The following HSPA12B variants were observed in gnomAD, a reference collection of about 807,000 sequenced individuals.
HSPA12B encodes heat shock 70 kDa protein 12B.
A neutral mutation model predicts 69.3 loss-of-function variants in HSPA12B; 54 were observed. The observed-to-expected ratio is 0.78, with a 90% CI of 0.63 to 0.98. The LOEUF (loss-of-function observed/expected upper bound fraction) is 0.98. Ranked by LOEUF, HSPA12B falls within the 50% of genes least tolerant of loss-of-function variation. HSPA12B has a pLI of 0.00. For synonymous variants in HSPA12B, 441 were observed against 436.5 expected, an observed-to-expected ratio of 1.01 and a Z score of -0.13; for missense variants, 929 against 999.8, an observed-to-expected ratio of 0.93 and a Z score of 0.96.
chr20:3,750,214 C>T lies in HSPA12B; in HGVS notation c.1288C>T (p.Leu430=). The T allele has an allele frequency of 6.2e-7, 1 of 1,603,916 alleles. No homozygotes were observed. Among genetic ancestry groups the T allele is most frequent in the Non-Finnish European group, 8.5e-7 (1 of 1,173,368 alleles). The change falls in exon 11 of 13, where the codon CTG becomes TTG. Residue 430 remains leucine, a synonymous_variant. Transcript: ENST00000254963. ...GCGGGGCCACAACGTGGAGACCGCT[C>T]TGCGCAGGAGCAGGTGGGTCCTGAG... ...KQRGHNVETA[L]RRSSVNFVKW... is the part of the protein sequence containing the mutation.
chr20:3,749,653 A>C lies in HSPA12B; in HGVS notation c.938-97A>C. 12 of 881,018 alleles carry C rather than the reference A, an allele frequency of 1.4e-5. No individual in the cohort carries two copies. Among genetic ancestry groups the C allele is most frequent in the Non-Finnish European group, 1.9e-5 (11 of 584,900 alleles). The allele number at this position is 881,018 out of a possible 1,614,324, so 54.6% of individuals were successfully genotyped here. A position where few individuals can be genotyped will look rare whatever the true frequency, so the allele number is the denominator to read the frequency against. ...CCCGACCCTGCAGACAGGCCTTGGG[A>C]CCCGGGGCAGGGCTGGAGGCTGGGC... On this transcript the variant is annotated intron_variant, in intron 9 of 12. Transcript: ENST00000254963. The surrounding 1 kb of genome is among the most constrained non-coding windows in gnomAD (Gnocchi z 5.5).
rs1180650915 is a variant in HSPA12B at position 3,745,907 on chromosome 20, T to C, written c.559-8T>C. 1.2e-6 allele frequency: 2 copies of C among 1,613,008 alleles called. No individual in the cohort carries two copies. The highest frequency in any genetic ancestry group is 2.7e-5 in the African/African-American group (2 of 74,910). Reference sequence around the variant, plus strand: ...CAGCTTTCCTCTCACTGCCCCCTCCTGTACCAGGAGCTGAGGGAGCAGAGC... The same window carrying C: ...CAGCTTTCCTCTCACTGCCCCCTCCCGTACCAGGAGCTGAGGGAGCAGAGC... On this transcript the variant is annotated splice_polypyrimidine_tract_variant and splice_region_variant and intron_variant, in intron 6 of 12. Coordinates refer to ENST00000254963, the MANE Select transcript of HSPA12B (RefSeq NM_052970.5). This position sits in a 1 kb window ranked among gnomAD's most constrained non-coding sequence, Gnocchi z 5.6.
chr20:3,751,413 G>A, intron 12 of HSPA12B, 98 bp from the exon 13 acceptor site: 3 of 1,352,366 alleles, frequency 2.2e-6, no homozygotes, highest in Non-Finnish European at 1.9e-6. Context: ...AGGGAGGGGA[G>A]GCGCCGGTGG....
intron 1 of HSPA12B, among the ~76,000 whole-genome samples, chr20:3,734,265 G>A (rs754752294): frequency 3.9e-5 from 6 of 152,068 alleles, no homozygotes; most frequent in Non-Finnish European, 7.3e-5. Context: ...GTTCCTGCTG[G>A]GCCACACCCT....
In HSPA12B at chr20:3,745,537, G is replaced by C. The variant is rs1235786599; in HGVS notation, c.498G>C (p.Thr166=). Residue 166 remains threonine (T), a synonymous_variant, in exon 6 of 13, where the codon ACG becomes ACC. Transcript: ENST00000254963. The surrounding 1 kb of genome is among the most constrained non-coding windows in gnomAD (Gnocchi z 5.6). ...KTQLEAVNGK[T]MPALEVFAHA... is the part of the protein sequence containing the mutation. ...AGCTAGAGGCAGTAAATGGAAAGAC[G>C]ATGCCCGCCCTGGAGGTGTTCGCCC... 3 of 1,614,172 alleles carry C rather than the reference G, an allele frequency of 1.9e-6. No homozygotes were observed. Among genetic ancestry groups the C allele is most frequent in the East Asian group, 4.5e-5 (2 of 44,884 alleles).
intron 7 of HSPA12B, 25 bp downstream of exon 7, chr20:3,746,056 G>T (rs754894106): frequency 6.4e-7 from 1 of 1,570,250 alleles, no homozygotes; most frequent in East Asian, 2.2e-5. Flanking sequence ...GCGGGCCCGA[G>T]AACACTGCTC....
At position 3,752,190 on chromosome 20, in the gene HSPA12B, G is replaced by T; in HGVS notation, c.*24G>T. ...GAGGGCGCGCCGGCGCGGTGCCAGC[G>T]CCGTCTGCCCGGCCCCGCCCTCTTT... On this transcript the variant is annotated 3_prime_UTR_variant, in exon 13 of 13. Coordinates refer to ENST00000254963, the MANE Select transcript of HSPA12B (RefSeq NM_052970.5). 2 of 1,453,018 alleles carry T rather than the reference G, an allele frequency of 1.4e-6. No individual in the cohort carries two copies. The highest frequency in any genetic ancestry group is 1.8e-6 in the Non-Finnish European group (2 of 1,110,672). The allele number at this position is 1,453,018 out of a possible 1,614,324, so 90.0% of individuals were successfully genotyped here. A position where few individuals can be genotyped will look rare whatever the true frequency, so the allele number is the denominator to read the frequency against.
At position 3,752,168 on chromosome 20, in the gene HSPA12B, G is replaced by A; in HGVS notation, c.*2G>A. ...TCCATCGACTTTCTTTCCAACTGAG[G>A]GCGCGCCGGCGCGGTGCCAGCGCCG... On this transcript the variant is annotated 3_prime_UTR_variant, in exon 13 of 13. Transcript: ENST00000254963. The A allele has an allele frequency of 6.9e-7, 1 of 1,454,390 alleles. No homozygotes were observed. The highest frequency in any genetic ancestry group is 2.6e-5 in the East Asian group (1 of 39,080). The allele number at this position is 1,454,390 out of a possible 1,614,324, so 90.1% of individuals were successfully genotyped here. A position where few individuals can be genotyped will look rare whatever the true frequency, so the allele number is the denominator to read the frequency against.
chr20:3,733,075 A>AG (rs1254543413), intron 1 of HSPA12B, among the ~76,000 whole-genome samples: 1 of 152,204 alleles, frequency 6.6e-6, no homozygotes, highest in African/African-American at 2.4e-5. Flanking sequence ...AGGGGCTGGC[A>AG]GGACTGGTGT....
In HSPA12B at chr20:3,750,786, C is replaced by T; in HGVS notation, c.1302-18C>T. On this transcript the variant is annotated intron_variant, in intron 11 of 12. Coordinates refer to ENST00000254963, the MANE Select transcript of HSPA12B (RefSeq NM_052970.5). ...TGGGCCCTGACCGATGGATATTTGC[C>T]CCTTTCACCACCAACAGCGTGAACT... 6.2e-7 allele frequency: 1 copy of T among 1,613,566 alleles called. No homozygotes were observed. The highest frequency in any genetic ancestry group is 8.5e-7 in the Non-Finnish European group (1 of 1,179,834).
At chr20:3,751,157 G>A in intron 12 of HSPA12B, 1 of 822,670 alleles carries the variant, frequency 1.2e-6, no homozygotes, top group Non-Finnish European at 1.5e-6. Flanking sequence ...ATAGTATTGG[G>A]TTCTCAAAAC....
chr20:3,747,481 A>G (rs1280475181), intron 7 of HSPA12B, among the ~76,000 whole-genome samples: 1 of 152,110 alleles, frequency 6.6e-6, no homozygotes, highest in Non-Finnish European at 1.5e-5. Context: ...GCTGCTCAGG[A>G]AAGTCTGGCC....
chr20:3,738,462 G>A (rs1240345415), intron 1 of HSPA12B, among the ~76,000 whole-genome samples, 196 bp from the exon 2 acceptor site: 1 of 152,234 alleles, frequency 6.6e-6, no homozygotes. Context: ...TGAGAATGGT[G>A]TTGCGATGAC....
Position 3,742,289 on chromosome 20 carries a change from C to T in HSPA12B, c.147C>T (p.Pro49=), listed in dbSNP as rs377346666. 22 of 1,613,480 alleles carry T rather than the reference C, an allele frequency of 1.4e-5. No individual in the cohort carries two copies. Among genetic ancestry groups the T allele is most frequent in the South Asian group, 3.3e-5 (3 of 91,064 alleles). Residue 49 remains proline (P), a synonymous_variant, in exon 4 of 13, where the codon CCC becomes CCT. Transcript: ENST00000254963. ...TCTAAGTCTTGCACTTGCAGAAACC[C>T]GAGGTCCGAGCCCCCCAGCAGGCCT... The part of the protein sequence containing the change: ...APLTPSQSPK[P]EVRAPQQASF...
At chr20:3,739,538 C>T (rs375771012) in intron 2 of HSPA12B, among the ~76,000 whole-genome samples, 187 of 152,304 alleles carry the variant, frequency 1.2e-3, no homozygotes, top group African/African-American at 4.3e-3. Flanking sequence ...TTCCCAAGCT[C>T]GAGCCACAGC....
Position 3,752,558 on chromosome 20 carries a change from T to G in HSPA12B, c.*392T>G. On this transcript the variant is annotated 3_prime_UTR_variant, in exon 13 of 13. Transcript: ENST00000254963. Reference sequence around the variant, plus strand: ...AGGAGGAGCCGCAGGAGGAAGGAGGTTGTGCAGGGTCTGGACCTGCAGGGC... The same window carrying G: ...AGGAGGAGCCGCAGGAGGAAGGAGGGTGTGCAGGGTCTGGACCTGCAGGGC... The G allele has an allele frequency of 1.6e-5, 3 of 182,870 alleles. No homozygotes were observed. The highest frequency in any genetic ancestry group is 1.1e-5 in the Non-Finnish European group (1 of 87,718). 11.3% of individuals were successfully genotyped at this position (182,870 alleles called of 1,614,324 possible). A position where few individuals can be genotyped will look rare whatever the true frequency, so the allele number is the denominator to read the frequency against.
At position 3,742,356 on chromosome 20, in the gene HSPA12B, A is replaced by G. The variant is rs1186327633; in HGVS notation, c.214A>G (p.Ser72Gly). The G allele has an allele frequency of 1.9e-6, 3 of 1,614,060 alleles. No individual in the cohort carries two copies. In the South Asian group the frequency reaches 3.3e-5, roughly 18 times the overall value. ...GGCCATTGACTTCGGCACCACGTCT[A>G]GTGGCTATGCTTTCAGCTTTGCCAG... ...VVAIDFGTTS[S>G]GYAFSFASDP... is the part of the protein sequence containing the mutation. Residue 72 changes from serine (S) to glycine (G), a missense_variant, in exon 4 of 13, where the codon AGT (serine) becomes GGT (glycine). Around this residue, in one of 3 missense-constraint regions of HSPA12B, gnomAD observed 477 missense variants for 535.2 expected, o/e 0.89. Transcript: ENST00000254963.
At chr20:3,747,131 C>G (rs959003646) in intron 7 of HSPA12B, among the ~76,000 whole-genome samples, 9 of 152,106 alleles carry the variant, frequency 5.9e-5, no homozygotes, top group Non-Finnish European at 8.8e-5. Flanking sequence ...TTGGGGGGGG[C>G]TCCCGTGGAG....
chr20:3,749,736 G>C lies in HSPA12B; in HGVS notation c.938-14G>C. ...AGGCCGCCCACGAGTGTGTGCCCGCGCTCGCCGCCGCAGGAGACCGCTACG... is the reference window on the plus strand; with the variant it reads ...AGGCCGCCCACGAGTGTGTGCCCGCCCTCGCCGCCGCAGGAGACCGCTACG... On this transcript the variant is annotated splice_polypyrimidine_tract_variant and intron_variant, in intron 9 of 12. Coordinates refer to ENST00000254963, the MANE Select transcript of HSPA12B (RefSeq NM_052970.5). The surrounding 1 kb of genome is among the most constrained non-coding windows in gnomAD (Gnocchi z 5.5). 1.3e-6 allele frequency: 2 copies of C among 1,560,102 alleles called. No homozygotes were observed. The highest frequency in any genetic ancestry group is 1.7e-6 in the Non-Finnish European group (2 of 1,156,068).
Sources: allele counts gnomAD v4.1 joint callset (sites outside exome capture counted in the v4.1 genomes callset), GRCh38; gene constraint gnomAD v4.1.1; regional missense constraint gnomAD v4.1.1; non-coding constraint Gnocchi (gnomAD v3.1); transcripts MANE v1.5; gene names NCBI Gene and HGNC (gene_info 2026-07-23, HGNC 2026-07-21).